Variants in VPS37A observed in about 807,000 individuals in gnomAD.
The protein encoded by VPS37A is vacuolar protein sorting-associated protein 37A.
Under a neutral mutation model 49.8 loss-of-function variants are expected in VPS37A, and 30 were observed. The ratio of observed to expected loss-of-function variants is 0.60; its 90% CI spans 0.45 to 0.82. The LOEUF is 0.82. Among genes scored for constraint, VPS37A ranks in the 40% least tolerant of loss-of-function variants. The pLI, the probability that VPS37A is intolerant of heterozygous loss-of-function variation, is 0.00. For synonymous variants in VPS37A, 195 were observed against 160.6 expected, an observed-to-expected ratio of 1.21 and a Z score of -1.62; for missense variants, 593 against 464.4, an observed-to-expected ratio of 1.28 and a Z score of -2.55.
intron 1 of VPS37A, among the ~76,000 whole-genome samples, chr8:17,250,042 C>T (rs948623881): frequency 2.6e-5 from 4 of 152,126 alleles, no homozygotes; most frequent in Admixed American, 6.5e-5. Flanking sequence ...TGGACCGGCC[C>T]GGGCTCATAT....
At chr8:17,290,409 G>A (rs941322403) in intron 11 of VPS37A, among the ~76,000 whole-genome samples, 42 of 152,144 alleles carry the variant, frequency 2.8e-4, no homozygotes, top group African/African-American at 5.5e-4. Flanking sequence ...GAATTTTATC[G>A]AAGGCCTTTT....
rs1362950868 is a variant in VPS37A, at chr8:17,297,758, G to C, written c.*2772G>C. 6.6e-6 allele frequency: 1 copy of C among 151,902 alleles called. No individual in the cohort carries two copies. The highest frequency in any genetic ancestry group is 1.9e-4 in the East Asian group (1 of 5,190). 9.4% of individuals were successfully genotyped at this position (151,902 alleles called of 1,614,324 possible). A position where few individuals can be genotyped will look rare whatever the true frequency, so the allele number is the denominator to read the frequency against. On this transcript the variant is annotated 3_prime_UTR_variant, in exon 12 of 12. Coordinates refer to ENST00000324849, the MANE Select transcript of VPS37A (RefSeq NM_152415.3). ...GGGATATTTTAGTCTTGTTGGGTTA[G>C]CCATGCTCTGAAGAATCTGTGAAAG...
intron 6 of VPS37A, among the ~76,000 whole-genome samples, chr8:17,277,933 C>G (rs1324533606): frequency 6.7e-6 from 1 of 150,342 alleles, no homozygotes; most frequent in African/African-American, 2.4e-5. Context: ...TACATATGTT[C>G]GTATACATGT....
intron 4 of VPS37A, among the ~76,000 whole-genome samples, chr8:17,273,303 TA>T (rs1261930018): frequency 1.3e-5 from 2 of 152,168 alleles, no homozygotes; most frequent in African/African-American, 2.4e-5. Flanking sequence ...ATTTGTTGGA[TA>T]AATTCTAGAA....
chr8:17,288,789 A>T (rs28787950), intron 11 of VPS37A, among the ~76,000 whole-genome samples: 1 of 151,954 alleles, frequency 6.6e-6, no homozygotes, highest in Non-Finnish European at 1.5e-5. Context: ...TTGAGGAATC[A>T]CCACACTGGT....
intron 4 of VPS37A, among the ~76,000 whole-genome samples, chr8:17,270,778 T>C (rs991156830): frequency 2.4e-4 from 37 of 152,286 alleles, no homozygotes; most frequent in African/African-American, 7.7e-4. Context: ...TATAGGTGAA[T>C]AGGCACACTC....
the VPS37A span, among the ~76,000 whole-genome samples, chr8:17,319,769 G>A: frequency 6.6e-6 from 1 of 152,018 alleles, no homozygotes; most frequent in Non-Finnish European, 1.5e-5. Context: ...GCTCCAGTCT[G>A]GCTCCAGTCT....
the VPS37A span, among the ~76,000 whole-genome samples, chr8:17,326,097 C>A: frequency 6.4e-4 from 98 of 152,252 alleles, 1 homozygote; most frequent in Admixed American, 4.8e-3. Context: ...CAATCAAGAA[C>A]CCAAACCTAG....
intron 11 of VPS37A, among the ~76,000 whole-genome samples, chr8:17,288,319 C>G (rs1023321397): frequency 1.3e-5 from 2 of 152,032 alleles, no homozygotes; most frequent in African/African-American, 4.8e-5. Flanking sequence ...TTTGCTGCAC[C>G]CATCAACCTG....
At chr8:17,247,517 C>A in intron 1 of VPS37A, 148 bp downstream of exon 1, 1 of 1,089,970 alleles carries the variant, frequency 9.2e-7, no homozygotes, top group Non-Finnish European at 1.3e-6. Context: ...CTTGCTCTGC[C>A]ACTCCTGCCC....
At chr8:17,248,357 C>G in intron 1 of VPS37A, 1 of 455,282 alleles carries the variant, frequency 2.2e-6, no homozygotes, top group South Asian at 1.5e-5. Context: ...CTCCGTCTCC[C>G]GGATTCAAGC....
At chr8:17,257,138 G>C (rs556850084) in intron 1 of VPS37A, among the ~76,000 whole-genome samples, 17 of 152,178 alleles carry the variant, frequency 1.1e-4, no homozygotes, top group African/African-American at 4.1e-4. Flanking sequence ...TCATTCTTCA[G>C]CATATAGTTA....
At position 17,295,032 on chromosome 8, in the gene VPS37A, A is replaced by C. The variant is rs772318659; in HGVS notation, c.*46A>C. 9.8e-5 allele frequency: 15 copies of C among 152,642 alleles called. No homozygotes were observed. The highest frequency in any genetic ancestry group is 1.6e-4 in the Non-Finnish European group (11 of 68,042). The allele number at this position is 152,642 out of a possible 1,614,324, so 9.5% of individuals were successfully genotyped here. A position where few individuals can be genotyped will look rare whatever the true frequency, so the allele number is the denominator to read the frequency against. On this transcript the variant is annotated 3_prime_UTR_variant, in exon 12 of 12. Coordinates refer to ENST00000324849, the MANE Select transcript of VPS37A (RefSeq NM_152415.3). The stretch of plus-strand genomic sequence containing the variant: ...TGCCAAGAGAGGAATGGGACACAAA[A>C]CCAAACACTGTTTTATATTTATGGT...
At chr8:17,270,136 A>G (rs1039915960) in intron 4 of VPS37A, among the ~76,000 whole-genome samples, 1 of 152,128 alleles carries the variant, frequency 6.6e-6, no homozygotes, top group African/African-American at 2.4e-5. Flanking sequence ...TAAAGTATTC[A>G]TGAGAAATAC....
In VPS37A at chr8:17,280,377, T is replaced by C; in HGVS notation, c.903T>C (p.Tyr301=). 6.2e-7 allele frequency: 1 copy of C among 1,608,792 alleles called. No individual in the cohort carries two copies. Among genetic ancestry groups the C allele is most frequent in the Admixed American group, 1.7e-5 (1 of 59,150 alleles). Residue 301 remains tyrosine (Y), a splice_region_variant and synonymous_variant, in exon 9 of 12, where the codon TAT becomes TAC. Coordinates refer to ENST00000324849, the MANE Select transcript of VPS37A (RefSeq NM_152415.3). ...EAKRQTVLDK[Y]ELLTQMKSTF... is the part of the protein sequence containing the mutation. The stretch of plus-strand genomic sequence containing the variant: ...AACCTTTTCATTTTCTCTTTTAGTA[T>C]GAATTACTTACACAGATGAAGTCCA...
intron 1 of VPS37A, among the ~76,000 whole-genome samples, chr8:17,252,850 G>A (rs1812099701): frequency 6.6e-6 from 1 of 152,214 alleles, no homozygotes; most frequent in African/African-American, 2.4e-5. Flanking sequence ...TTAGCCCATT[G>A]AAGCTACAGA....
chr8:17,318,611 T>C, the VPS37A span, among the ~76,000 whole-genome samples: 32 of 152,294 alleles, frequency 2.1e-4, no homozygotes, highest in African/African-American at 7.0e-4. Context: ...TCCTACCGCA[T>C]CATGTCAGCT....
the VPS37A span, chr8:17,313,347 G>C: frequency 1.2e-6 from 2 of 1,613,092 alleles, no homozygotes; most frequent in Non-Finnish European, 1.7e-6. Flanking sequence ...TAACCAGCCA[G>C]AGTTCTCCAG....
chr8:17,318,270 C>T, the VPS37A span, among the ~76,000 whole-genome samples: 6 of 152,258 alleles, frequency 3.9e-5, no homozygotes, highest in South Asian at 6.2e-4. Flanking sequence ...ATCTCACAGA[C>T]ACCCAGCAGA....
Sources: gnomAD v4.1 joint callset for allele counts (sites outside exome capture counted in the v4.1 genomes callset) on GRCh38, gnomAD v4.1.1 for gene constraint, MANE v1.5 for transcripts, NCBI Gene and HGNC (gene_info 2026-07-23, HGNC 2026-07-21) for gene names.